Variants in HDAC9 observed in about 807,000 individuals in gnomAD.
HDAC9 encodes the protein histone deacetylase 9.
HDAC9 carries 41 observed loss-of-function variants against 139.4 expected under a neutral mutation model. The observed-to-expected ratio is 0.29, with a 90% CI of 0.23 to 0.38. The LOEUF (loss-of-function observed/expected upper bound fraction) is 0.38, where lower values mean the gene tolerates loss of function less well. Among genes scored for constraint, HDAC9 ranks in the 10% least tolerant of loss-of-function variants. HDAC9 has a pLI of 1.00. For synonymous variants in HDAC9, 517 were observed against 476.2 expected (o/e 1.09, Z -1.12); for missense variants, 1,147 against 1,297.0 (o/e 0.88, Z 1.78).
chr7:18,395,084 ACTTGCACTG>A (rs1180765590), intron 1 of HDAC9: 1 of 152,148 alleles, frequency 6.6e-6, no homozygotes, highest in African/African-American at 2.4e-5. Context: ...TTAAATTGAT[ACTTGCACTG>A]TTTGACTTTC....
At chr7:18,574,414 C>T (rs911701268) in intron 2 of HDAC9, among the ~76,000 whole-genome samples, 6 of 152,332 alleles carry the variant, frequency 3.9e-5, no homozygotes, top group Middle Eastern at 3.4e-3. Context: ...GAAGTATGTG[C>T]TAATTGGTCC....
chr7:18,828,534 G>C (rs1795622358), intron 17 of HDAC9, among the ~76,000 whole-genome samples: 1 of 152,182 alleles, frequency 6.6e-6, no homozygotes, highest in Non-Finnish European at 1.5e-5. Flanking sequence ...ATGCAGGCTA[G>C]AAATTGACTT....
Position 18,991,394 on chromosome 7 carries a change from G to A in HDAC9, c.3171-4629G>A, listed in dbSNP as rs184897041. Among the ~76,000 whole-genome samples the A allele has an allele frequency of 9.0e-3, 1,370 of 152,302 alleles. 24 individuals carry two copies. Among genetic ancestry groups the A allele is most frequent in the African/African-American group, 0.031 (1,273 of 41,568 alleles). On this transcript the variant is annotated intron_variant, in intron 25 of 25. Coordinates refer to ENST00000686413, the MANE Select transcript of HDAC9 (RefSeq NM_178425.4). ...AGTGGCTCATGCCTGTAATCCCAGT[G>A]CTTTGGGAGGCCGAGGCGGGCAGAT...
intron 2 of HDAC9, among the ~76,000 whole-genome samples, chr7:18,234,434 T>C (rs1378909298): frequency 6.6e-6 from 1 of 152,222 alleles, no homozygotes; most frequent in Non-Finnish European, 1.5e-5. Context: ...CTGACCGTTT[T>C]CCTCATTCAT....
At chr7:18,116,832 G>C (rs1287884937) in intron 1 of HDAC9, among the ~76,000 whole-genome samples, 1 of 152,064 alleles carries the variant, frequency 6.6e-6, no homozygotes, top group Non-Finnish European at 1.5e-5. Flanking sequence ...ATGTATGAAA[G>C]GATATTTCAG....
chr7:18,207,583 CAA>C (rs1037747908), intron 2 of HDAC9, among the ~76,000 whole-genome samples: 7 of 98,178 alleles, frequency 7.1e-5, no homozygotes, highest in East Asian at 3.1e-4. Context: ...GCAGCCAAAA[CAA>C]AAAGAGTGCT....
chr7:18,323,010 G>T (rs1269902603), intron 1 of HDAC9, among the ~76,000 whole-genome samples: 2 of 152,060 alleles, frequency 1.3e-5, no homozygotes, highest in African/African-American at 4.8e-5. Context: ...CTAAAGGGTG[G>T]ATGCCATTTT....
intron 24 of HDAC9, among the ~76,000 whole-genome samples, chr7:18,972,970 G>A (rs1393357293): frequency 2.0e-5 from 3 of 152,114 alleles, no homozygotes; most frequent in African/African-American, 7.2e-5. Flanking sequence ...TTTAAGCTGA[G>A]AATTTTATAA....
intron 2 of HDAC9, among the ~76,000 whole-genome samples, chr7:18,255,680 G>T (rs188992199): frequency 1.5e-4 from 22 of 146,576 alleles, no homozygotes; most frequent in African/African-American, 5.5e-4. Flanking sequence ...CCAGGCGGGC[G>T]CGCGGTGACG....
intron 2 of HDAC9, among the ~76,000 whole-genome samples, chr7:18,222,381 C>T (rs1477676554): frequency 6.6e-6 from 1 of 152,056 alleles, no homozygotes; most frequent in African/African-American, 2.4e-5. Flanking sequence ...AACGTGTTTT[C>T]AAAAGGGCAG....
chr7:18,680,800 A>G (rs945464186), intron 12 of HDAC9, among the ~76,000 whole-genome samples: 3 of 152,040 alleles, frequency 2.0e-5, no homozygotes, highest in African/African-American at 7.2e-5. Flanking sequence ...TTGTCTGTCA[A>G]GGAGATGAAC....
chr7:18,985,069 T>G (rs907207521), intron 25 of HDAC9, among the ~76,000 whole-genome samples: 52 of 152,220 alleles, frequency 3.4e-4, no homozygotes, highest in Admixed American at 2.4e-3. Context: ...TAATTCTTTT[T>G]CTATTTATTT....
intron 25 of HDAC9, among the ~76,000 whole-genome samples, chr7:18,984,561 T>C (rs928873599): frequency 1.3e-5 from 2 of 151,956 alleles, no homozygotes; most frequent in African/African-American, 2.4e-5. Context: ...ATGGTAATTG[T>C]GGTAAAGAAG....
chr7:18,413,621 A>G (rs1374592635), intron 1 of HDAC9, among the ~76,000 whole-genome samples: 1 of 152,166 alleles, frequency 6.6e-6, no homozygotes, highest in African/African-American at 2.4e-5. Flanking sequence ...ATGAAACTAT[A>G]TAATTCTTAC....
At chr7:18,442,555 C>T (rs1232700858) in intron 1 of HDAC9, among the ~76,000 whole-genome samples, 1 of 152,150 alleles carries the variant, frequency 6.6e-6, no homozygotes, top group South Asian at 2.1e-4. Context: ...CAAAATCAGT[C>T]GGATATCTTA....
intron 1 of HDAC9, among the ~76,000 whole-genome samples, chr7:18,119,518 A>G (rs147165871): frequency 3.3e-3 from 501 of 152,280 alleles, no homozygotes; most frequent in Admixed American, 5.4e-3. Flanking sequence ...TGTCTTCTAA[A>G]CTCTAGAGAA....
chr7:18,958,360 C>T (rs1388753111), intron 24 of HDAC9, among the ~76,000 whole-genome samples: 2 of 152,146 alleles, frequency 1.3e-5, no homozygotes, highest in Non-Finnish European at 2.9e-5. Flanking sequence ...ATCTCACTTT[C>T]TGAAGACTTA....
intron 1 of HDAC9, among the ~76,000 whole-genome samples, chr7:18,323,838 G>A (rs1212535464): frequency 6.6e-6 from 1 of 151,896 alleles, no homozygotes; most frequent in East Asian, 1.9e-4. Flanking sequence ...ACAACATACA[G>A]TTATTCTCAC....
rs116464362 is a variant in HDAC9 at position 18,769,174 on chromosome 7, A to G, written c.2214+2019A>G. On this transcript the variant is annotated intron_variant, in intron 16 of 25. Transcript: ENST00000686413. Reference sequence around the variant, plus strand: ...GCCATCTCCCTAGGACTCACCTCCCAAATCTGACCTGGGACGTGCTTTTAA... The same window carrying G: ...GCCATCTCCCTAGGACTCACCTCCCGAATCTGACCTGGGACGTGCTTTTAA... 1.0e-3 allele frequency among the ~76,000 whole-genome samples: 154 copies of G among 152,284 alleles called. 1 individual carries two copies. Among genetic ancestry groups the G allele is most frequent in the African/African-American group, 3.5e-3 (144 of 41,580 alleles).
Sources: allele counts gnomAD v4.1 joint callset (sites outside exome capture counted in the v4.1 genomes callset), GRCh38; gene constraint gnomAD v4.1.1; transcripts MANE v1.5; gene names NCBI Gene and HGNC (gene_info 2026-07-23, HGNC 2026-07-21).